Variants in PTPRD observed in about 807,000 individuals in gnomAD.
PTPRD encodes the protein receptor-type tyrosine-protein phosphatase delta.
PTPRD carries 34 observed loss-of-function variants against 214.5 expected under a neutral mutation model. That is an observed-to-expected ratio of 0.16 (90% CI 0.12 to 0.21). The LOEUF (loss-of-function observed/expected upper bound fraction) is 0.21. Among genes scored for constraint, PTPRD ranks in the 10% least tolerant of loss-of-function variants. PTPRD has a pLI of 1.00. For synonymous variants in PTPRD, 1,128 were observed against 845.7 expected, an observed-to-expected ratio of 1.33 and a Z score of -5.79; for missense variants, 2,545 against 2,398.7, an observed-to-expected ratio of 1.06 and a Z score of -1.27.
At chr9:8,886,755 G>C (rs935650933) in intron 11 of PTPRD, among the ~76,000 whole-genome samples, 1 of 152,116 alleles carries the variant, frequency 6.6e-6, no homozygotes, top group Non-Finnish European at 1.5e-5. Context: ...ACTCTGCACC[G>C]TGCAATAGTG....
intron 11 of PTPRD, among the ~76,000 whole-genome samples, chr9:8,919,825 T>C (rs901297103): frequency 7.9e-6 from 1 of 125,902 alleles, no homozygotes; most frequent in East Asian, 2.7e-4. Flanking sequence ...CATGCACCCA[T>C]ACATGCATAC....
intron 36 of PTPRD, among the ~76,000 whole-genome samples, chr9:8,395,694 A>C (rs1031181519): frequency 6.6e-6 from 1 of 152,008 alleles, no homozygotes; most frequent in Non-Finnish European, 1.5e-5. Context: ...CAGTGAGCTA[A>C]TGGAGAAACA....
At chr9:9,974,869 A>C (rs1005479981) in intron 4 of PTPRD, among the ~76,000 whole-genome samples, 1 of 152,156 alleles carries the variant, frequency 6.6e-6, no homozygotes, top group African/African-American at 2.4e-5. Flanking sequence ...GAACTTGCTG[A>C]GTTCTTTCAT....
chr9:10,030,320 C>T (rs1410048210), intron 4 of PTPRD, among the ~76,000 whole-genome samples: 1 of 152,034 alleles, frequency 6.6e-6, no homozygotes, highest in Non-Finnish European at 1.5e-5. Flanking sequence ...CCCTTTAATT[C>T]ACAGAAATGA....
At chr9:9,477,660 A>G (rs1277244844) in intron 8 of PTPRD, among the ~76,000 whole-genome samples, 1 of 152,232 alleles carries the variant, frequency 6.6e-6, no homozygotes, top group African/African-American at 2.4e-5. Context: ...CCGTGCAAGG[A>G]ACTACTACTG....
At chr9:8,414,763 C>T (rs1163762062) in intron 35 of PTPRD, among the ~76,000 whole-genome samples, 4 of 151,680 alleles carry the variant, frequency 2.6e-5, no homozygotes, top group Admixed American at 2.6e-4. Context: ...GCTGGTTCTA[C>T]CTAACTTCCT....
At position 9,781,867 on chromosome 9, in the gene PTPRD, G is replaced by A. The variant is rs374141717; in HGVS notation, c.-367-15016C>T. On this transcript the variant is annotated intron_variant, in intron 5 of 45. Coordinates refer to ENST00000381196, the MANE Select transcript of PTPRD (RefSeq NM_002839.4). ...GAGTGCAGTGGCGCAATCTCGGCTC[G>A]CTGCAAGCTCCGCCTCCCGAGTTCA... 4.9e-3 allele frequency among the ~76,000 whole-genome samples: 735 copies of A among 150,194 alleles called. 3 individuals are homozygous for A. The highest frequency in any genetic ancestry group is 0.017 in the African/African-American group (675 of 40,690).
chr9:8,931,325 G>C (rs10453211), intron 11 of PTPRD, among the ~76,000 whole-genome samples: 75,014 of 151,316 alleles, frequency 0.5, 18,842 homozygotes, highest in Middle Eastern at 0.59. Flanking sequence ...GTCTATATCT[G>C]TGTTTTGGTA....
At chr9:9,882,758 T>C (rs928265892) in intron 5 of PTPRD, among the ~76,000 whole-genome samples, 1 of 151,832 alleles carries the variant, frequency 6.6e-6, no homozygotes, top group Non-Finnish European at 1.5e-5. Context: ...CCCACCCTGA[T>C]GTGATTTGGA....
At chr9:10,240,071 C>A (rs2099642404) in intron 3 of PTPRD, among the ~76,000 whole-genome samples, 1 of 151,898 alleles carries the variant, frequency 6.6e-6, no homozygotes, top group South Asian at 2.1e-4. Flanking sequence ...AACAGACAGG[C>A]CTTGCTGAGT....
intron 7 of PTPRD, among the ~76,000 whole-genome samples, chr9:9,601,149 G>GTC (rs1458563369): frequency 1.1e-5 from 1 of 87,752 alleles, no homozygotes; most frequent in African/African-American, 6.4e-5. Context: ...GTGTGTGTGT[G>GTC]TATGGGGGGG....
intron 2 of PTPRD, among the ~76,000 whole-genome samples, chr9:10,513,965 G>A (rs1199052249): frequency 1.3e-5 from 2 of 152,148 alleles, no homozygotes; most frequent in Admixed American, 1.3e-4. Context: ...AAGGCACACA[G>A]ATGGAGAATC....
chr9:10,612,555 G>C (rs962689900), intron 1 of PTPRD, 50 bp from the exon 2 acceptor site: 3 of 152,246 alleles, frequency 2.0e-5, no homozygotes, highest in Non-Finnish European at 4.4e-5. Flanking sequence ...GTTTGGCTTT[G>C]GTGGGGTGCT....
chr9:8,434,587 C>T (rs184678653), intron 35 of PTPRD, among the ~76,000 whole-genome samples: 104 of 152,076 alleles, frequency 6.8e-4, no homozygotes, highest in African/African-American at 2.2e-3. Flanking sequence ...ACTAACAGGT[C>T]GAGCTATCAT....
chr9:9,981,999 T>G (rs1040425771), intron 4 of PTPRD, among the ~76,000 whole-genome samples: 5 of 152,200 alleles, frequency 3.3e-5, no homozygotes, highest in African/African-American at 1.2e-4. Context: ...TGATTAATTA[T>G]CAGTAAATGA....
At chr9:8,622,755 T>C (rs981029090) in intron 14 of PTPRD, among the ~76,000 whole-genome samples, 1 of 151,968 alleles carries the variant, frequency 6.6e-6, no homozygotes, top group Non-Finnish European at 1.5e-5. Flanking sequence ...CTGACATTTC[T>C]AATTTTTAAA....
intron 8 of PTPRD, among the ~76,000 whole-genome samples, chr9:9,400,902 G>C (rs574982551): frequency 2.0e-5 from 3 of 151,852 alleles, no homozygotes; most frequent in South Asian, 2.1e-4. Context: ...CTCCATATTC[G>C]ACCATTTAAT....
chr9:9,179,209 G>T (rs2099926672), intron 10 of PTPRD, among the ~76,000 whole-genome samples: 1 of 152,042 alleles, frequency 6.6e-6, no homozygotes, highest in African/African-American at 2.4e-5. Flanking sequence ...ATATTTATAA[G>T]CATTGGCACT....
rs146622547 is a variant in PTPRD at position 9,726,675 on chromosome 9, T to C, written c.-287+7858A>G. Reference sequence around the variant, plus strand: ...TCAACTAGAAAATAGAAATAATATGTGAAAAGACATTTTCATATGTCTCAA... The same window carrying C: ...TCAACTAGAAAATAGAAATAATATGCGAAAAGACATTTTCATATGTCTCAA... On this transcript the variant is annotated intron_variant, in intron 7 of 45. Coordinates refer to ENST00000381196, the MANE Select transcript of PTPRD (RefSeq NM_002839.4). 1.7e-3 allele frequency among the ~76,000 whole-genome samples: 254 copies of C among 152,334 alleles called. 1 individual carries two copies. The highest frequency in any genetic ancestry group is 5.7e-3 in the African/African-American group (237 of 41,576).
Sources: gnomAD v4.1 joint callset for allele counts (sites outside exome capture counted in the v4.1 genomes callset) on GRCh38, gnomAD v4.1.1 for gene constraint, MANE v1.5 for transcripts, NCBI Gene and HGNC (gene_info 2026-07-23, HGNC 2026-07-21) for gene names.